Variants in GCSAML observed in about 807,000 individuals in gnomAD.
GCSAML encodes the protein germinal center-associated signaling and motility-like protein.
A neutral mutation model predicts 13.0 loss-of-function variants in GCSAML; 9 were observed. The ratio of observed to expected loss-of-function variants is 0.69; its 90% confidence interval spans 0.42 to 1.21. The LOEUF (loss-of-function observed/expected upper bound fraction) is 1.21. GCSAML is among the 50% of genes most tolerant of loss of function. GCSAML has a pLI of 0.00. For missense variants in GCSAML, 143 were observed against 153.4 expected (o/e 0.93, Z 0.36); for synonymous variants, 37 against 52.9 (o/e 0.70, Z 1.31).
At chr1:247,557,483 CT>C (rs1232979893) in intron 2 of GCSAML, among the ~76,000 whole-genome samples, 1 of 152,108 alleles carries the variant, frequency 6.6e-6, no homozygotes, top group African/African-American at 2.4e-5. Context: ...GCACTAAGCT[CT>C]TTTTTAATCA....
Position 247,575,187 on chromosome 1 carries a change from C to G in GCSAML, c.*805C>G, listed in dbSNP as rs1668786811. ...ATGTCTTTGCTTGTAACTCCTGTCT[C>G]CCTAAAATGTATAAAAGTAAACGGT... is the stretch of plus-strand genomic sequence containing the variant. On this transcript the variant is annotated 3_prime_UTR_variant, in exon 5 of 5. Transcript: ENST00000366488. 1 of 151,924 alleles carries G rather than the reference C, an allele frequency of 6.6e-6. No individual in the cohort carries two copies. Among genetic ancestry groups the G allele is most frequent in the Non-Finnish European group, 1.5e-5 (1 of 68,022 alleles). 9.4% of individuals were successfully genotyped at this position (151,924 alleles called of 1,614,324 possible).
chr1:247,508,361 TTC>T (rs1280242425), intron 1 of GCSAML, among the ~76,000 whole-genome samples: 1 of 152,148 alleles, frequency 6.6e-6, no homozygotes, highest in African/African-American at 2.4e-5. Context: ...TTTGATGGGT[TTC>T]TGTTTTTTTC....
At position 247,575,581 on chromosome 1, in the gene GCSAML, TGACATTGGCTTTTCTGAG is replaced by T. The variant is rs1360887645; in HGVS notation, c.*1200_*1217del. 1 of 152,224 alleles carries T rather than the reference TGACATTGGCTTTTCTGAG, an allele frequency of 6.6e-6. No homozygotes were observed. The highest frequency in any genetic ancestry group is 1.5e-5 in the Non-Finnish European group (1 of 68,038). 9.4% of individuals were successfully genotyped at this position (152,224 alleles called of 1,614,324 possible). On this transcript the variant is annotated 3_prime_UTR_variant, in exon 5 of 5. Coordinates refer to ENST00000366488, the MANE Select transcript of GCSAML (RefSeq NM_145278.5). ...TAATAGTTCAAAAATTAATAGTTTTTGACATTGGCTTTTCTGAGAAGAGAAATTGAAAGTGTCACAAAA... is the reference window on the plus strand; with the variant it reads ...TAATAGTTCAAAAATTAATAGTTTTTAAGAGAAATTGAAAGTGTCACAAAA...
intron 1 of GCSAML, among the ~76,000 whole-genome samples, chr1:247,551,810 C>T (rs12066360): frequency 0.011 from 1,607 of 152,264 alleles, 34 homozygotes; most frequent in African/African-American, 0.036. Flanking sequence ...TATGATTGGA[C>T]AAAAAGGATA....
chr1:247,516,745 A>G (rs1214217079), intron 1 of GCSAML, among the ~76,000 whole-genome samples: 2 of 152,192 alleles, frequency 1.3e-5, no homozygotes, highest in East Asian at 3.9e-4. Context: ...TGTTTACACT[A>G]CAACCTAACT....
chr1:247,530,267 A>G (rs1426237511), intron 2 of GCSAML: 1 of 152,176 alleles, frequency 6.6e-6, no homozygotes, highest in East Asian at 1.9e-4. Flanking sequence ...AGGTTACTCT[A>G]TTGATAGAGG....
intron 3 of GCSAML, among the ~76,000 whole-genome samples, chr1:247,565,068 G>A (rs1184301288): frequency 4.6e-5 from 7 of 152,112 alleles, no homozygotes; most frequent in Non-Finnish European, 1.0e-4. Context: ...ACTAACAAGA[G>A]TGAACAGACG....
chr1:247,552,739 T>A (rs993960890), intron 1 of GCSAML, among the ~76,000 whole-genome samples: 1 of 152,206 alleles, frequency 6.6e-6, no homozygotes, highest in African/African-American at 2.4e-5. Context: ...AATTCTTCTA[T>A]GTTTATGCAG....
intron 2 of GCSAML, among the ~76,000 whole-genome samples, chr1:247,560,755 T>C (rs1477557837): frequency 6.6e-6 from 1 of 152,168 alleles, no homozygotes; most frequent in Non-Finnish European, 1.5e-5. Context: ...ACCATTATTT[T>C]TGTGTGTGAT....
intron 2 of GCSAML, chr1:247,530,305 G>C (rs985328745): frequency 6.6e-6 from 1 of 152,150 alleles, no homozygotes; most frequent in Non-Finnish European, 1.5e-5. Context: ...TTACTCTATT[G>C]ATAGAAGTTC....
chr1:247,574,506 A>G lies in GCSAML; in HGVS notation c.*124A>G. ...TTTCTGGCTAAAGTTTAGAAATATT[A>G]TCTTATTATATATCCTTAGGCAACT... On this transcript the variant is annotated 3_prime_UTR_variant, in exon 5 of 5. Coordinates refer to ENST00000366488, the MANE Select transcript of GCSAML (RefSeq NM_145278.5). 1 of 1,059,692 alleles carries G rather than the reference A, an allele frequency of 9.4e-7. No homozygotes were observed. The highest frequency in any genetic ancestry group is 1.4e-6 in the Non-Finnish European group (1 of 738,272). The allele number at this position is 1,059,692 out of a possible 1,614,324, so 65.6% of individuals were successfully genotyped here. A position where few individuals can be genotyped will look rare whatever the true frequency, so the allele number is the denominator to read the frequency against.
At chr1:247,545,983 C>A (rs1667555294), upstream of GCSAML, among the ~76,000 whole-genome samples, 1 of 151,862 alleles carries the variant, frequency 6.6e-6, no homozygotes, top group African/African-American at 2.4e-5. Flanking sequence ...CGAAGAGCTA[C>A]AAGGAAACTG....
chr1:247,541,981 G>A (rs910177408), intron 2 of GCSAML, among the ~76,000 whole-genome samples: 10 of 149,692 alleles, frequency 6.7e-5, no homozygotes, highest in Admixed American at 5.3e-4. Flanking sequence ...CTGCAGTCCA[G>A]CCTGGGCAAC....
At chr1:247,540,239 G>T (rs1274775743) in intron 2 of GCSAML, among the ~76,000 whole-genome samples, 1 of 152,124 alleles carries the variant, frequency 6.6e-6, no homozygotes, top group African/African-American at 2.4e-5. Context: ...CACCATGTTG[G>T]CCAGGCTGGT....
chr1:247,555,028 AT>A (rs1447442486), intron 1 of GCSAML, among the ~76,000 whole-genome samples: 1 of 152,168 alleles, frequency 6.6e-6, no homozygotes, highest in Non-Finnish European at 1.5e-5. Flanking sequence ...GCCTGATATT[AT>A]CTGAATTCCT....
chr1:247,563,697 A>G lies in GCSAML; in HGVS notation c.139+58A>G, dbSNP rs551859615. 37 of 927,242 alleles carry G rather than the reference A, an allele frequency of 4.0e-5. No individual in the cohort carries two copies. The Middle Eastern group carries it at 1.1e-3, about 27-fold the overall frequency. The allele number at this position is 927,242 out of a possible 1,614,324, so 57.4% of individuals were successfully genotyped here. A position where few individuals can be genotyped will look rare whatever the true frequency, so the allele number is the denominator to read the frequency against. ...AGGGAAGTGCAAATTTAAGCATCCA[A>G]TTAGCAGACACTCTTGAGCCTATTG... On this transcript the variant is annotated intron_variant, in intron 3 of 4. Coordinates refer to ENST00000366488, the MANE Select transcript of GCSAML (RefSeq NM_145278.5).
At chr1:247,518,135 T>G (rs1170985237) in intron 1 of GCSAML, among the ~76,000 whole-genome samples, 1 of 152,202 alleles carries the variant, frequency 6.6e-6, no homozygotes, top group Non-Finnish European at 1.5e-5. Flanking sequence ...CGCGTGGGTG[T>G]GCGGTGCGGC....
upstream of GCSAML, among the ~76,000 whole-genome samples, chr1:247,544,397 G>C (rs1667502515): frequency 6.6e-6 from 1 of 152,208 alleles, no homozygotes; most frequent in Non-Finnish European, 1.5e-5. Context: ...CTGCCCGGCA[G>C]CTGCACGTAG....
At chr1:247,542,019 GA>G (rs796271161) in intron 2 of GCSAML, among the ~76,000 whole-genome samples, 4,993 of 119,882 alleles carry the variant, frequency 0.042, 277 homozygotes, top group African/African-American at 0.13. Flanking sequence ...CAAAAAAAAA[GA>G]AAAAAAAAAA....
Sources: gnomAD v4.1 joint callset for allele counts (sites outside exome capture counted in the v4.1 genomes callset) on GRCh38, gnomAD v4.1.1 for gene constraint, MANE v1.5 for transcripts, NCBI Gene and HGNC (gene_info 2026-07-23, HGNC 2026-07-21) for gene names.